The following VOPP1 variants were observed in gnomAD, a reference collection of about 807,000 sequenced individuals.
The protein encoded by VOPP1 is WW domain binding protein VOPP1.
VOPP1 carries 8 observed loss-of-function variants against 23.5 expected under a neutral mutation model. The ratio of observed to expected loss-of-function variants is 0.34; its 90% CI spans 0.20 to 0.61. The LOEUF is 0.61. VOPP1 is among the 20% of genes least tolerant of loss of function. The pLI is 0.78. For missense variants in VOPP1, 174 were observed against 238.1 expected (o/e 0.73, Z 1.77); for synonymous variants, 83 against 97.3 (o/e 0.85, Z 0.86).
chr7:55,474,440 A>G (rs923710834), intron 4 of VOPP1, among the ~76,000 whole-genome samples: 11 of 152,236 alleles, frequency 7.2e-5, no homozygotes, highest in African/African-American at 2.7e-4. Flanking sequence ...TGAATATTAG[A>G]GAAAAAATGG....
At chr7:55,537,397 T>C in intron 1 of VOPP1, 1 of 1,470,112 alleles carries the variant, frequency 6.8e-7, no homozygotes, top group Non-Finnish European at 9.2e-7. Context: ...TCCAGCCTTC[T>C]GGAGGTAACA....
intron 1 of VOPP1, chr7:55,552,680 G>A: frequency 7.2e-6 from 11 of 1,536,042 alleles, no homozygotes; most frequent in African/African-American, 1.4e-5. Context: ...CAACAATGGG[G>A]GGCACTCAGG....
chr7:55,508,709 T>G (rs1794884930), intron 2 of VOPP1, among the ~76,000 whole-genome samples: 1 of 152,190 alleles, frequency 6.6e-6, no homozygotes, highest in African/African-American at 2.4e-5. Context: ...TGACTAAATA[T>G]AAGGTTAAAA....
At chr7:55,492,176 C>A in intron 4 of VOPP1, 106 bp downstream of exon 4, 1 of 1,417,154 alleles carries the variant, frequency 7.1e-7, no homozygotes, top group South Asian at 1.6e-5. Flanking sequence ...AATAACACAC[C>A]TGAGCGCTCT....
At chr7:55,552,852 T>C (rs1032493421) in intron 1 of VOPP1, 67 of 1,416,102 alleles carry the variant, frequency 4.7e-5, no homozygotes, top group Non-Finnish European at 5.4e-5. Context: ...CGGAGCACTA[T>C]GGCAACACAA....
chr7:55,541,229 C>T (rs747986322), intron 1 of VOPP1, among the ~76,000 whole-genome samples: 12 of 152,138 alleles, frequency 7.9e-5, no homozygotes, highest in Non-Finnish European at 1.6e-4. Flanking sequence ...CAGAATTGTA[C>T]ACTTTAAGTG....
intron 2 of VOPP1, among the ~76,000 whole-genome samples, chr7:55,502,696 G>C (rs926812916): frequency 3.9e-5 from 6 of 152,226 alleles, no homozygotes; most frequent in African/African-American, 1.2e-4. Context: ...AATTAAAGTA[G>C]TAAACATTAC....
intron 3 of VOPP1, among the ~76,000 whole-genome samples, chr7:55,494,247 C>T (rs1380610701): frequency 6.6e-6 from 1 of 152,162 alleles, no homozygotes; most frequent in Non-Finnish European, 1.5e-5. Flanking sequence ...CTCAGGTGGG[C>T]TCAGTGACAG....
At chr7:55,568,332 C>T (rs1027386901) in intron 1 of VOPP1, among the ~76,000 whole-genome samples, 5 of 152,146 alleles carry the variant, frequency 3.3e-5, no homozygotes, top group Non-Finnish European at 5.9e-5. Flanking sequence ...ACCCGCCTCG[C>T]CCAAAGTGCC....
intron 4 of VOPP1, among the ~76,000 whole-genome samples, chr7:55,463,399 C>T (rs1229223245): frequency 6.6e-6 from 1 of 152,102 alleles, no homozygotes; most frequent in Non-Finnish European, 1.5e-5. Flanking sequence ...GTAACTGTCT[C>T]TTCTTTCAAT....
At chr7:55,527,477 T>A (rs1407074444) in intron 1 of VOPP1, among the ~76,000 whole-genome samples, 1 of 152,218 alleles carries the variant, frequency 6.6e-6, no homozygotes, top group African/African-American at 2.4e-5. Flanking sequence ...GGATGCAGGC[T>A]GTAAACCTTA....
rs569128668 is a variant in VOPP1, at chr7:55,439,393, G to A, written n.418-3219C>T. Among the ~76,000 whole-genome samples the A allele has an allele frequency of 5.9e-5, 9 of 152,248 alleles. No individual in the cohort carries two copies. In the South Asian group the frequency reaches 8.3e-4, roughly 14 times the overall value. On this transcript the variant is annotated intron_variant and non_coding_transcript_variant, in intron 4 of 4. Transcript: ENST00000462326. ...CATTGGAGTCAGTGTGGAGGTCTGC[G>A]GTGAACTCCTCGGCAGCACAGGCAG...
chr7:55,449,747 C>A (rs759333189), intron 4 of VOPP1, among the ~76,000 whole-genome samples: 7 of 152,070 alleles, frequency 4.6e-5, no homozygotes, highest in Admixed American at 2.0e-4. Flanking sequence ...CCTGGCCTCC[C>A]GAGGGGACAG....
chr7:55,551,918 T>C (rs1161466789), intron 1 of VOPP1, among the ~76,000 whole-genome samples: 1 of 149,098 alleles, frequency 6.7e-6, no homozygotes, highest in Non-Finnish European at 1.5e-5. Context: ...CGCATGCCTA[T>C]AGTTGCAGCT....
chr7:55,489,135 C>G (rs1017895341), intron 4 of VOPP1, among the ~76,000 whole-genome samples: 1 of 152,202 alleles, frequency 6.6e-6, no homozygotes, highest in Non-Finnish European at 1.5e-5. Flanking sequence ...TAGGAAACAG[C>G]TGAATTCTTC....
At chr7:55,481,509 C>A (rs1161635135) in intron 4 of VOPP1, among the ~76,000 whole-genome samples, 2 of 152,236 alleles carry the variant, frequency 1.3e-5, no homozygotes, top group African/African-American at 2.4e-5. Flanking sequence ...CCTCAAGGCT[C>A]CTGGCTGGAG....
chr7:55,539,797 G>C (rs1231537286), intron 1 of VOPP1, among the ~76,000 whole-genome samples: 1 of 151,976 alleles, frequency 6.6e-6, no homozygotes, highest in Non-Finnish European at 1.5e-5. Flanking sequence ...CAACTATATG[G>C]ACAGGAACCA....
At chr7:55,494,687 C>T (rs145719336) in intron 3 of VOPP1, among the ~76,000 whole-genome samples, 148 of 152,230 alleles carry the variant, frequency 9.7e-4, no homozygotes, top group African/African-American at 3.3e-3. Context: ...ACTATGTTGC[C>T]GAGTGATCTC....
At chr7:55,541,356 G>A (rs879786765) in intron 1 of VOPP1, among the ~76,000 whole-genome samples, 1 of 152,150 alleles carries the variant, frequency 6.6e-6, no homozygotes, top group African/African-American at 2.4e-5. Context: ...ATAAACAAAT[G>A]AAAAGAAGCT....
Sources: allele counts gnomAD v4.1 joint callset (sites outside exome capture counted in the v4.1 genomes callset), GRCh38; gene constraint gnomAD v4.1.1; transcripts MANE v1.5; gene names NCBI Gene and HGNC (gene_info 2026-07-23, HGNC 2026-07-21).